The following SI variants were observed in gnomAD, a reference collection of about 807,000 sequenced individuals.
The protein encoded by SI is sucrase-isomaltase.
In SI, 235 loss-of-function variants were observed where a neutral mutation model predicts 253.3. The observed-to-expected ratio is 0.93, with a 90% CI of 0.83 to 1.03. The LOEUF (loss-of-function observed/expected upper bound fraction) is 1.03. Ranked by LOEUF, SI falls within the 50% of genes least tolerant of loss-of-function variation. The pLI is 0.00. For synonymous variants in SI, 819 were observed against 712.0 expected, an observed-to-expected ratio of 1.15 and a Z score of -2.39; for missense variants, 2,442 against 2,211.1, an observed-to-expected ratio of 1.10 and a Z score of -2.09.
chr3:164,984,103 C>A (rs1381959698), intron 45 of SI, among the ~76,000 whole-genome samples: 1 of 152,046 alleles, frequency 6.6e-6, no homozygotes, highest in Non-Finnish European at 1.5e-5. Flanking sequence ...AAGCTAATTA[C>A]TGTCAATGTC....
At chr3:164,987,634 G>A (rs1196167821) in intron 44 of SI, among the ~76,000 whole-genome samples, 5 of 151,946 alleles carry the variant, frequency 3.3e-5, no homozygotes, top group Admixed American at 6.6e-5. Flanking sequence ...GCTTGAACCC[G>A]GGAGGTGGAG....
In SI at chr3:165,069,179, C is replaced by G; in HGVS notation, c.272G>C (p.Arg91Thr). The change falls in exon 4 of 48, where the codon AGA (arginine) becomes ACA (threonine). Residue 91 changes from arginine to threonine, a missense_variant. By Grantham distance (71) the Arg-to-Thr change is moderately conservative (BLOSUM62 -1). Coordinates refer to ENST00000264382, the MANE Select transcript of SI (RefSeq NM_001041.4). ...ATTCCACGGCCTCCAGCAGCAGCCT[C>G]TCTGTGCACAAATTCCCTGATAAAA... Reference protein sequence around the residue: ...QFPTEGICAQRGCCWRPWNDS... With the variant: ...QFPTEGICAQTGCCWRPWNDS... The G allele has an allele frequency of 6.2e-7, 1 of 1,610,746 alleles. No individual in the cohort carries two copies. The highest frequency in any genetic ancestry group is 8.5e-7 in the Non-Finnish European group (1 of 1,177,138).
At chr3:165,053,894 A>C (rs1713558541) in intron 13 of SI, among the ~76,000 whole-genome samples, 1 of 152,022 alleles carries the variant, frequency 6.6e-6, no homozygotes, top group South Asian at 2.1e-4. Flanking sequence ...GATCACAGTA[A>C]ATTTTTTTTA....
At position 165,062,434 on chromosome 3, in the gene SI, G is replaced by A. The variant is rs1205472238; in HGVS notation, c.957C>T (p.Gly319=). The A allele has an allele frequency of 1.9e-6, 3 of 1,606,182 alleles. No individual in the cohort carries two copies. The highest frequency in any genetic ancestry group is 2.6e-6 in the Non-Finnish European group (3 of 1,173,536). The change falls in exon 9 of 48, where the codon GGC becomes GGT. Residue 319 remains glycine (G), a synonymous_variant. Transcript: ENST00000264382. ...CTAGAAGGATGTAAAAATCCAGAAT[G>A]CCACCGGTAACTCTATATGTTACTA... ...TPIVTYRVTG[G]ILDFYILLGD...
At chr3:165,035,966 T>A (rs73877386) in intron 22 of SI, among the ~76,000 whole-genome samples, 1 of 151,692 alleles carries the variant, frequency 6.6e-6, no homozygotes, top group Non-Finnish European at 1.5e-5. Context: ...GATGATATTC[T>A]TACCTCAAAT....
intron 15 of SI, among the ~76,000 whole-genome samples, chr3:165,047,371 C>A (rs551198138): frequency 7.9e-5 from 12 of 152,026 alleles, no homozygotes; most frequent in Non-Finnish European, 1.5e-4. Context: ...ATTGTGAGGC[C>A]CCCCCAGCCA....
At chr3:164,992,016 A>G (rs1368314212) in intron 43 of SI, among the ~76,000 whole-genome samples, 161 bp downstream of exon 43, 2 of 152,140 alleles carry the variant, frequency 1.3e-5, no homozygotes, top group African/African-American at 4.8e-5. Flanking sequence ...ACTCTCTTTC[A>G]CTGTGGATTA....
At chr3:165,009,171 A>G (rs74407025) in intron 35 of SI, 108 bp downstream of exon 35, 37,016 of 776,778 alleles carry the variant, frequency 0.048, 1,234 homozygotes, top group Non-Finnish European at 0.058. Flanking sequence ...AAAGTGGACT[A>G]GTTTTCAAAT....
rs1251310869 is a variant in SI, at chr3:164,979,214, T to C, written c.*148A>G. On this transcript the variant is annotated 3_prime_UTR_variant, in exon 48 of 48. Transcript: ENST00000264382. Reference sequence around the variant, plus strand: ...TACTATAATAAAATTAGCATTATCATTGATGTACGCTACAAAATAACTTTT... The same window carrying C: ...TACTATAATAAAATTAGCATTATCACTGATGTACGCTACAAAATAACTTTT... 4 of 655,464 alleles carry C rather than the reference T, an allele frequency of 6.1e-6. No homozygotes were observed. The highest frequency in any genetic ancestry group is 1.1e-5 in the Non-Finnish European group (4 of 359,718). The allele number at this position is 655,464 out of a possible 1,614,324, so 40.6% of individuals were successfully genotyped here.
intron 44 of SI, among the ~76,000 whole-genome samples, chr3:164,990,996 T>C (rs1004984442): frequency 6.6e-6 from 1 of 152,176 alleles, no homozygotes. Flanking sequence ...ATATTTTTTT[T>C]GAAGCAAATA....
chr3:165,006,460 C>G (rs1718515191), intron 37 of SI, among the ~76,000 whole-genome samples: 3 of 152,074 alleles, frequency 2.0e-5, no homozygotes, highest in Admixed American at 2.0e-4. Context: ...TGCTTTATGT[C>G]TTAATGATAT....
the SI span, among the ~76,000 whole-genome samples, chr3:165,085,239 G>A: frequency 2.0e-5 from 3 of 151,974 alleles, no homozygotes; most frequent in African/African-American, 7.2e-5. Flanking sequence ...AACCTAATTG[G>A]AATAATATTT....
At chr3:165,088,098 C>A in the SI span, among the ~76,000 whole-genome samples, 45 of 152,208 alleles carry the variant, frequency 3.0e-4, no homozygotes, top group Admixed American at 9.2e-4. Flanking sequence ...GTAATCCCAG[C>A]ACTTTGGGAG....
rs1180680344 is a variant in SI, at chr3:165,055,333, A to G, written c.1399-26T>C. 6.0e-6 allele frequency: 7 copies of G among 1,163,846 alleles called. No individual in the cohort carries two copies. In the East Asian group the frequency reaches 1.7e-4, roughly 28 times the overall value. 72.1% of individuals were successfully genotyped at this position (1,163,846 alleles called of 1,614,324 possible). A position where few individuals can be genotyped will look rare whatever the true frequency, so the allele number is the denominator to read the frequency against. The stretch of plus-strand genomic sequence containing the variant: ...CTAGAAGAATAGATCATTCACATAT[A>G]TACATAAAAAATAGAAAAATAAATA... On this transcript the variant is annotated intron_variant, in intron 12 of 47. Transcript: ENST00000264382.
intron 13 of SI, among the ~76,000 whole-genome samples, chr3:165,051,981 G>T (rs1198705216): frequency 1.3e-5 from 2 of 151,850 alleles, no homozygotes; most frequent in Non-Finnish European, 2.9e-5. Flanking sequence ...TTTGAACCAA[G>T]AATATAAATT....
chr3:165,069,009 G>C, intron 4 of SI, 69 bp downstream of exon 4: 1 of 1,145,768 alleles, frequency 8.7e-7, no homozygotes, highest in Non-Finnish European at 1.3e-6. Flanking sequence ...TTCTATTTAA[G>C]GTATTTTCCA....
chr3:165,001,511 A>G (rs541372905), intron 37 of SI, among the ~76,000 whole-genome samples: 3 of 151,628 alleles, frequency 2.0e-5, no homozygotes, highest in African/African-American at 7.2e-5. Flanking sequence ...TTTAGTGTAT[A>G]ACAAATTAAT....
intron 16 of SI, among the ~76,000 whole-genome samples, chr3:165,043,997 C>G (rs962314249): frequency 6.6e-6 from 1 of 151,874 alleles, no homozygotes; most frequent in Non-Finnish European, 1.5e-5. Flanking sequence ...AAATCCAAAA[C>G]ATTTTGAGAG....
Position 165,021,266 on chromosome 3 carries a change from CAAA to C in SI, c.3214_3216del (p.Phe1072del). On this transcript the variant is annotated inframe_deletion, in exon 27 of 48. Coordinates refer to ENST00000264382, the MANE Select transcript of SI (RefSeq NM_001041.4). Reference sequence around the variant, plus strand: ...CTGCTTCTCCGTCGAATCTGGATGCCAAAAGGATTTTCCTTGATTTCCACATCA... The same window carrying C: ...CTGCTTCTCCGTCGAATCTGGATGCCAGGATTTTCCTTGATTTCCACATCA... 2.5e-6 allele frequency: 4 copies of C among 1,611,300 alleles called. No homozygotes were observed. Among genetic ancestry groups the C allele is most frequent in the Non-Finnish European group, 3.4e-6 (4 of 1,178,096 alleles).
Sources: gnomAD v4.1 joint callset for allele counts (sites outside exome capture counted in the v4.1 genomes callset) on GRCh38, gnomAD v4.1.1 for gene constraint, MANE v1.5 for transcripts, NCBI Gene and HGNC (gene_info 2026-07-23, HGNC 2026-07-21) for gene names.